Variants in CEMIP2 observed in about 807,000 individuals in gnomAD.
CEMIP2 encodes cell migration inducing hyaluronidase 2.
A neutral mutation model predicts 146.9 loss-of-function variants in CEMIP2; 79 were observed. The observed-to-expected ratio is 0.54, with a 90% CI of 0.45 to 0.65. The LOEUF is 0.65. CEMIP2 is among the 30% of genes least tolerant of loss of function. The pLI is 0.00. For missense variants in CEMIP2, 1,596 were observed against 1,696.2 expected (o/e 0.94, Z 1.04); for synonymous variants, 601 against 606.3 (o/e 0.99, Z 0.13).
In CEMIP2 at chr9:71,722,357, T is replaced by C. The variant is rs899625881; in HGVS notation, c.2267+70A>G. The C allele has an allele frequency of 4.2e-6, 5 of 1,200,216 alleles. No individual in the cohort carries two copies. In the African/African-American group the frequency reaches 7.8e-5, roughly 19 times the overall value. The allele number at this position is 1,200,216 out of a possible 1,614,324, so 74.3% of individuals were successfully genotyped here. ...ATGTATTACCACAGAAAGAGCACAA[T>C]AAACTCCAGTTAGAAAGTTTTGCTT... On this transcript the variant is annotated intron_variant, in intron 12 of 23. Coordinates refer to ENST00000377044, the MANE Select transcript of CEMIP2 (RefSeq NM_013390.3).
intron 18 of CEMIP2, chr9:71,704,274 C>T (rs1213151311): frequency 3.4e-6 from 1 of 297,108 alleles, no homozygotes; most frequent in Non-Finnish European, 6.4e-6. Flanking sequence ...AGCAAATGCT[C>T]CACTGGAAGA....
At chr9:71,758,029 T>C (rs1467755044) in intron 1 of CEMIP2, among the ~76,000 whole-genome samples, 1 of 152,200 alleles carries the variant, frequency 6.6e-6, no homozygotes, top group Non-Finnish European at 1.5e-5. Flanking sequence ...GGAATCTTTC[T>C]ATACGTAGTT....
chr9:71,696,013 C>T (rs536958660), intron 20 of CEMIP2, among the ~76,000 whole-genome samples: 49 of 152,284 alleles, frequency 3.2e-4, no homozygotes, highest in South Asian at 2.3e-3. Flanking sequence ...CCAGCGACTT[C>T]AACTACTTTG....
intron 22 of CEMIP2, among the ~76,000 whole-genome samples, chr9:71,688,456 T>A (rs1822134863): frequency 6.6e-6 from 1 of 151,922 alleles, no homozygotes; most frequent in Non-Finnish European, 1.5e-5. Context: ...AGTGGTACAA[T>A]CTTGGCTCAC....
chr9:71,712,085 G>A lies in CEMIP2; in HGVS notation c.2767C>T (p.His923Tyr). The A allele has an allele frequency of 6.2e-7, 1 of 1,613,848 alleles. No homozygotes were observed. Among genetic ancestry groups the A allele is most frequent in the Non-Finnish European group, 8.5e-7 (1 of 1,179,898 alleles). ...TAAGAACTACAGAACATACTTACATGTGGACCAAACTTCACGAGGGAGATA... is the reference window on the plus strand; with the variant it reads ...TAAGAACTACAGAACATACTTACATATGGACCAAACTTCACGAGGGAGATA... ...NNISLVKFGP[H>Y]VSLNVFFGKP... Residue 923 changes from histidine to tyrosine, a missense_variant and splice_region_variant, in exon 16 of 24, where the codon CAT (histidine) becomes TAT (tyrosine). Coordinates refer to ENST00000377044, the MANE Select transcript of CEMIP2 (RefSeq NM_013390.3).
rs536383342 is a variant in CEMIP2 at position 71,683,661 on chromosome 9, T to C, written c.*1536A>G. On this transcript the variant is annotated 3_prime_UTR_variant, in exon 24 of 24. Transcript: ENST00000377044. ...CCAGAAAACAAAAAACTAACTTTGA[T>C]TAAGACATGTGCCCTTAGTAAGGGC... 6.6e-6 allele frequency: 1 copy of C among 151,396 alleles called. No homozygotes were observed. The highest frequency in any genetic ancestry group is 1.5e-5 in the Non-Finnish European group (1 of 67,820). 9.4% of individuals were successfully genotyped at this position (151,396 alleles called of 1,614,324 possible).
At position 71,702,399 on chromosome 9, in the gene CEMIP2, G is replaced by A. The variant is rs145231191; in HGVS notation, c.3195-1575C>T. 2.6e-3 allele frequency among the ~76,000 whole-genome samples: 394 copies of A among 151,644 alleles called. 1 individual carries two copies. The highest frequency in any genetic ancestry group is 9.2e-3 in the African/African-American group (379 of 41,348). On this transcript the variant is annotated intron_variant, in intron 18 of 23. Transcript: ENST00000377044. ...TATTGTCTATAATAGCAAAATGCGG[G>A]GGGGCGGGCAGGAGAAACAACCTAA... is the stretch of plus-strand genomic sequence containing the variant.
At chr9:71,751,623 T>C (rs1824257125) in intron 1 of CEMIP2, among the ~76,000 whole-genome samples, 1 of 152,188 alleles carries the variant, frequency 6.6e-6, no homozygotes, top group Non-Finnish European at 1.5e-5. Context: ...CTTTGCCCTA[T>C]AATTCTGGCT....
intron 17 of CEMIP2, among the ~76,000 whole-genome samples, chr9:71,708,364 A>C (rs1405235452): frequency 6.6e-6 from 1 of 152,182 alleles, no homozygotes. Context: ...TCTTCTCCTT[A>C]AATAATACTA....
intron 12 of CEMIP2, 70 bp downstream of exon 12, chr9:71,722,357 T>A: frequency 8.3e-7 from 1 of 1,200,326 alleles, no homozygotes; most frequent in Admixed American, 2.2e-5. Context: ...AAGAGCACAA[T>A]AAACTCCAGT....
chr9:71,739,954 A>G, intron 5 of CEMIP2, 109 bp downstream of exon 5: 1 of 1,059,240 alleles, frequency 9.4e-7, no homozygotes, highest in Non-Finnish European at 1.3e-6. Context: ...ACTAGTTGAG[A>G]AATCTAACCA....
intron 16 of CEMIP2, 21 bp from the exon 17 acceptor site, chr9:71,709,495 A>G (rs1822846347): frequency 1.9e-6 from 3 of 1,608,784 alleles, no homozygotes; most frequent in Non-Finnish European, 2.6e-6. Flanking sequence ...TGAAAAAGAA[A>G]GACATCACAA....
chr9:71,699,335 A>C (rs960782411), intron 19 of CEMIP2: 3 of 364,012 alleles, frequency 8.2e-6, no homozygotes, highest in Non-Finnish European at 1.7e-5. Flanking sequence ...GGCAGCAGCT[A>C]CTTGTGAGGC....
chr9:71,692,842 C>T (rs561950097), intron 21 of CEMIP2, among the ~76,000 whole-genome samples: 1 of 151,774 alleles, frequency 6.6e-6, no homozygotes, highest in South Asian at 2.1e-4. Context: ...GTGGAGGGTG[C>T]GGTGAGCCGA....
chr9:71,709,884 C>T (rs1822857257), intron 16 of CEMIP2, among the ~76,000 whole-genome samples: 1 of 152,106 alleles, frequency 6.6e-6, no homozygotes, highest in Admixed American at 6.5e-5. Context: ...CTGTGCATTT[C>T]CCTACATGTA....
intron 2 of CEMIP2, among the ~76,000 whole-genome samples, chr9:71,748,370 C>T (rs1824148362): frequency 1.3e-5 from 2 of 152,208 alleles, no homozygotes; most frequent in African/African-American, 2.4e-5. Context: ...AGTTATGTAA[C>T]AGCAATAACC....
chr9:71,757,824 T>C (rs192384143), intron 1 of CEMIP2, among the ~76,000 whole-genome samples: 6 of 152,306 alleles, frequency 3.9e-5, no homozygotes, highest in East Asian at 1.9e-4. Context: ...ATTATGTCCA[T>C]TGACAAACAG....
intron 16 of CEMIP2, among the ~76,000 whole-genome samples, chr9:71,711,594 GA>G (rs201246178): frequency 4.4e-4 from 58 of 132,316 alleles, no homozygotes; most frequent in South Asian, 2.2e-3. Context: ...CTGCCTCAAA[GA>G]AAAAAAAAAA....
rs771304870 is a variant in CEMIP2, at chr9:71,712,067, T to G, written c.2769+16A>C. ...TTCACCATAGTCACTACGTAAGAAC[T>G]ACAGAACATACTTACATGTGGACCA... is the stretch of plus-strand genomic sequence containing the variant. On this transcript the variant is annotated intron_variant, in intron 16 of 23. Transcript: ENST00000377044. The G allele has an allele frequency of 6.2e-6, 10 of 1,611,974 alleles. No individual in the cohort carries two copies. The highest frequency in any genetic ancestry group is 8.5e-6 in the Non-Finnish European group (10 of 1,179,040).
Sources: gnomAD v4.1 joint callset for allele counts (sites outside exome capture counted in the v4.1 genomes callset) on GRCh38, gnomAD v4.1.1 for gene constraint, MANE v1.5 for transcripts, NCBI Gene and HGNC (gene_info 2026-07-23, HGNC 2026-07-21) for gene names.